The following OLFML2B variants were observed in gnomAD, a reference collection of about 807,000 sequenced individuals.
OLFML2B encodes the protein olfactomedin-like protein 2B.
In OLFML2B, 57 loss-of-function variants were observed where a neutral mutation model predicts 74.9. That is an observed-to-expected ratio of 0.76 (90% CI 0.61 to 0.95). The LOEUF (loss-of-function observed/expected upper bound fraction) is 0.95. Among genes scored for constraint, OLFML2B ranks in the 40% least tolerant of loss-of-function variants. The probability of loss-of-function intolerance (pLI) is 0.00; values close to 1 mark genes in which losing one functional copy is unlikely to be tolerated. For missense variants in OLFML2B, 986 were observed against 970.6 expected, an observed-to-expected ratio of 1.02 and a Z score of -0.21; for synonymous variants, 388 against 405.8, an observed-to-expected ratio of 0.96 and a Z score of 0.53.
chr1:161,991,871 A>G (rs571513175), intron 6 of OLFML2B, among the ~76,000 whole-genome samples: 26 of 152,226 alleles, frequency 1.7e-4, no homozygotes, highest in Non-Finnish European at 3.4e-4. Flanking sequence ...GTAGATTTGC[A>G]TAATTCTTAA....
intron 6 of OLFML2B, among the ~76,000 whole-genome samples, chr1:161,990,569 A>G (rs1689708719): frequency 6.6e-6 from 1 of 152,354 alleles, no homozygotes; most frequent in Non-Finnish European, 1.5e-5. Flanking sequence ...ACTAATGATC[A>G]TCTAAGCCTT....
At chr1:162,006,718 C>T (rs576995249) in intron 3 of OLFML2B, among the ~76,000 whole-genome samples, 2 of 152,318 alleles carry the variant, frequency 1.3e-5, no homozygotes, top group East Asian at 1.9e-4. Flanking sequence ...CCCAAACTAC[C>T]ATAGCTTTTC....
In OLFML2B at chr1:162,023,463, CAG is replaced by C; in HGVS notation, c.-35_-34del. ...GCGATAAGAGTGTCCTCAGCCCCTT[CAG>C]AGAATGGCTGGGGCGGGGGGTCTCG... On this transcript the variant is annotated 5_prime_UTR_variant, in exon 1 of 8. Transcript: ENST00000294794. 7.0e-7 allele frequency: 1 copy of C among 1,428,512 alleles called. No individual in the cohort carries two copies. Among genetic ancestry groups the C allele is most frequent in the African/African-American group, 1.5e-5 (1 of 68,728 alleles). The allele number at this position is 1,428,512 out of a possible 1,614,324, so 88.5% of individuals were successfully genotyped here.
In OLFML2B at chr1:161,984,079, G is replaced by A; in HGVS notation, c.1849C>T (p.His617Tyr). The change falls in exon 8 of 8, where the codon CAC (histidine) becomes TAC (tyrosine). Residue 617 changes from histidine (H) to tyrosine (Y), a missense_variant. His to Tyr is a moderately conservative substitution (Grantham distance 83). Coordinates refer to ENST00000294794, the MANE Select transcript of OLFML2B (RefSeq NM_015441.3). ...EEATPWRWQG[H>Y]SDVDFAVDEN... ...TCCACAGCAAAGTCCACGTCTGAGT[G>A]GCCCTGCCATCGCCAGGGGGTGGCC... 1 of 1,613,252 alleles carries A rather than the reference G, an allele frequency of 6.2e-7. No individual in the cohort carries two copies. The highest frequency in any genetic ancestry group is 8.5e-7 in the Non-Finnish European group (1 of 1,179,342).
intron 1 of OLFML2B, among the ~76,000 whole-genome samples, chr1:162,021,061 C>T (rs773163895): frequency 5.3e-5 from 8 of 152,154 alleles, no homozygotes; most frequent in Non-Finnish European, 7.3e-5. Flanking sequence ...TAAGTGCCCC[C>T]GAAGAGGCAG....
At chr1:162,000,058 A>C in intron 5 of OLFML2B, 55 bp downstream of exon 5, 1 of 1,390,316 alleles carries the variant, frequency 7.2e-7, no homozygotes, top group South Asian at 1.3e-5. Context: ...TATGGTCCAA[A>C]TGGTGACTTC....
chr1:161,985,121 C>T (rs545207675), intron 6 of OLFML2B, 141 bp from the exon 7 acceptor site: 16 of 749,514 alleles, frequency 2.1e-5, no homozygotes, highest in Middle Eastern at 3.9e-4. Flanking sequence ...AAACATTTTT[C>T]CACACCATCT....
intron 6 of OLFML2B, among the ~76,000 whole-genome samples, chr1:161,991,465 T>TGGCTCACA (rs993905904): frequency 3.3e-5 from 5 of 152,162 alleles, no homozygotes; most frequent in Non-Finnish European, 7.4e-5. Flanking sequence ...CCAGGCGCGG[T>TGGCTCACA]GGCTCACACC....
rs544736438 is a variant in OLFML2B at position 161,998,008 on chromosome 1, C to T, written c.1291G>A (p.Ala431Thr). ...VAHTATQQPA[A>T]PAPPAVSPRE... ...GGAGACACTGCCGGAGGAGCTGGGG[C>T]TGCTGGTTGCTGGGTGGCTGTGTGG... is the stretch of plus-strand genomic sequence containing the variant. The change falls in exon 6 of 8, where the codon GCC becomes ACC. Residue 431 changes from alanine (A) to threonine (T), a missense_variant. Ala to Thr is a moderately conservative substitution (Grantham distance 58, BLOSUM62 0). Coordinates refer to ENST00000294794, the MANE Select transcript of OLFML2B (RefSeq NM_015441.3). 3.7e-5 allele frequency: 60 copies of T among 1,614,174 alleles called. No individual in the cohort carries two copies. Among genetic ancestry groups the T allele is most frequent in the South Asian group, 2.9e-4 (26 of 91,080 alleles).
chr1:162,012,444 A>G (rs1044924804), intron 3 of OLFML2B, among the ~76,000 whole-genome samples: 4 of 152,262 alleles, frequency 2.6e-5, no homozygotes, highest in Non-Finnish European at 5.9e-5. Flanking sequence ...AGCCCTCAGC[A>G]ATGCCTGTGC....
At chr1:162,005,524 A>G (rs992289745) in intron 4 of OLFML2B, among the ~76,000 whole-genome samples, 29 of 152,220 alleles carry the variant, frequency 1.9e-4, no homozygotes, top group African/African-American at 7.0e-4. Flanking sequence ...AAAGTCCCCT[A>G]TAAATGAGGA....
chr1:162,017,100 T>G (rs1404509096), intron 3 of OLFML2B, among the ~76,000 whole-genome samples: 2 of 152,178 alleles, frequency 1.3e-5, no homozygotes, highest in East Asian at 1.9e-4. Context: ...CCTTTACATT[T>G]CATTGAGTTC....
At position 162,019,999 on chromosome 1, in the gene OLFML2B, C is replaced by CT; in HGVS notation, c.357dup (p.Ala120SerfsTer60). On this transcript the variant is annotated frameshift_variant, in exon 2 of 8. Transcript: ENST00000294794. LOFTEE classifies it high-confidence loss of function. Reference sequence around the variant, plus strand: ...CAGGGATTGAGGGCCGATGGGGGTGCTACACAGGCACACTTGCACGACGAG... The same window carrying CT: ...CAGGGATTGAGGGCCGATGGGGGTGCTTACACAGGCACACTTGCACGACGAG... 1 of 1,614,178 alleles carries CT rather than the reference C, an allele frequency of 6.2e-7. No homozygotes were observed. The highest frequency in any genetic ancestry group is 8.5e-7 in the Non-Finnish European group (1 of 1,180,014).
intron 3 of OLFML2B, among the ~76,000 whole-genome samples, chr1:162,015,141 A>G (rs1033829905): frequency 6.6e-6 from 1 of 152,224 alleles, no homozygotes; most frequent in African/African-American, 2.4e-5. Flanking sequence ...GATTATTATT[A>G]TTAAGGTCCA....
chr1:162,014,209 C>T (rs1030564451), intron 3 of OLFML2B, among the ~76,000 whole-genome samples: 2 of 152,160 alleles, frequency 1.3e-5, no homozygotes, highest in African/African-American at 4.8e-5. Context: ...ATTGTTTATA[C>T]ACTTTTCTAT....
intron 1 of OLFML2B, among the ~76,000 whole-genome samples, chr1:162,022,344 G>A (rs1038608861): frequency 3.5e-5 from 5 of 141,364 alleles, no homozygotes; most frequent in African/African-American, 1.1e-4. Flanking sequence ...TCCACCTCCC[G>A]GGTTCAAGCG....
Position 161,995,841 on chromosome 1 carries a change from A to C in OLFML2B, c.1474+1984T>G, listed in dbSNP as rs1024506752. Among the ~76,000 whole-genome samples, 3 of 152,234 alleles carry C rather than the reference A, an allele frequency of 2.0e-5. No individual in the cohort carries two copies. The East Asian group carries it at 5.8e-4, about 29-fold the overall frequency. Reference sequence around the variant, plus strand: ...TTCCCTCTCACCCAAGGGTGACAGGAAGCTGAAATGGTAGAAGTATGGGGG... The same window carrying C: ...TTCCCTCTCACCCAAGGGTGACAGGCAGCTGAAATGGTAGAAGTATGGGGG... On this transcript the variant is annotated intron_variant, in intron 6 of 7. Transcript: ENST00000294794.
chr1:162,004,658 G>A (rs1690170891), intron 4 of OLFML2B, among the ~76,000 whole-genome samples: 1 of 152,086 alleles, frequency 6.6e-6, no homozygotes, highest in Non-Finnish European at 1.5e-5. Context: ...CTACCCAAGA[G>A]TTTCAAGCCC....
At chr1:162,012,388 C>G (rs891492643) in intron 3 of OLFML2B, among the ~76,000 whole-genome samples, 1 of 152,228 alleles carries the variant, frequency 6.6e-6, no homozygotes, top group Non-Finnish European at 1.5e-5. Flanking sequence ...TCATGCCTTT[C>G]AGTCCAGAAA....
Sources: allele counts gnomAD v4.1 joint callset (sites outside exome capture counted in the v4.1 genomes callset), GRCh38; gene constraint gnomAD v4.1.1; transcripts MANE v1.5; gene names NCBI Gene and HGNC (gene_info 2026-07-23, HGNC 2026-07-21).